The following SPATA21 variants were observed in gnomAD, a reference collection of about 807,000 sequenced individuals.
SPATA21 encodes the protein spermatogenesis-associated protein 21.
In SPATA21, 47 loss-of-function variants were observed where a neutral mutation model predicts 54.8. That is an observed-to-expected ratio of 0.86 (90% confidence interval 0.68 to 1.09). The LOEUF (loss-of-function observed/expected upper bound fraction) is 1.09. Among genes scored for constraint, SPATA21 ranks in the 50% least tolerant of loss-of-function variants. The pLI is 0.00. For missense variants in SPATA21, 599 were observed against 596.4 expected, an observed-to-expected ratio of 1.00 and a Z score of -0.05; for synonymous variants, 245 against 235.3, an observed-to-expected ratio of 1.04 and a Z score of -0.38.
Position 16,421,383 on chromosome 1 carries a change from C to T in SPATA21, c.144+126G>A. 1 of 935,778 alleles carries T rather than the reference C, an allele frequency of 1.1e-6. No individual in the cohort carries two copies. The highest frequency in any genetic ancestry group is 1.6e-6 in the Non-Finnish European group (1 of 623,154). 58.0% of individuals were successfully genotyped at this position (935,778 alleles called of 1,614,324 possible). ...CACTTTAACACACAGCCACACACACCTTCCTTGGTTTGACTCCAAATAGGG... is the reference window on the plus strand; with the variant it reads ...CACTTTAACACACAGCCACACACACTTTCCTTGGTTTGACTCCAAATAGGG... On this transcript the variant is annotated intron_variant, in intron 5 of 12. Transcript: ENST00000335496. This position sits in a 1 kb window ranked among gnomAD's most constrained non-coding sequence, Gnocchi z 5.2.
At chr1:16,425,604 A>G in intron 3 of SPATA21, 3 of 1,550,074 alleles carry the variant, frequency 1.9e-6, no homozygotes, top group Non-Finnish European at 2.6e-6. Context: ...TCCTTTCCGG[A>G]GCCCAGCTGC....
intron 7 of SPATA21, among the ~76,000 whole-genome samples, chr1:16,407,210 A>G (rs1228863163): frequency 6.6e-6 from 1 of 152,200 alleles, no homozygotes; most frequent in Non-Finnish European, 1.5e-5. Flanking sequence ...TGTCGTGCGC[A>G]GGCACACCAC....
intron 7 of SPATA21, among the ~76,000 whole-genome samples, chr1:16,408,077 G>GT (rs756580725): frequency 2.0e-5 from 3 of 152,174 alleles, no homozygotes; most frequent in Non-Finnish European, 4.4e-5. Context: ...CTGGTAGAGG[G>GT]TTTTAATACT....
Position 16,409,594 on chromosome 1 carries a change from C to G in SPATA21, c.587+7G>C. 6.2e-7 allele frequency: 1 copy of G among 1,607,330 alleles called. No individual in the cohort carries two copies. Among genetic ancestry groups the G allele is most frequent in the Non-Finnish European group, 8.5e-7 (1 of 1,178,298 alleles). ...GGAGCGGGCGGGTGAGCAGCGGGGG[C>G]TCCTACCGCGCCTTGGCGTAGCTCA... On this transcript the variant is annotated splice_region_variant and intron_variant, in intron 6 of 12. Coordinates refer to ENST00000335496, the MANE Select transcript of SPATA21 (RefSeq NM_198546.1). The surrounding 1 kb of genome is among the most constrained non-coding windows in gnomAD (Gnocchi z 4.1).
intron 1 of SPATA21, among the ~76,000 whole-genome samples, chr1:16,435,409 C>T (rs1000573177): frequency 4.6e-5 from 7 of 151,866 alleles, no homozygotes; most frequent in Admixed American, 3.3e-4. Context: ...CTCCGTCTCC[C>T]GTGTCCATGC....
At chr1:16,410,834 C>T in intron 5 of SPATA21, 1 of 404,226 alleles carries the variant, frequency 2.5e-6, no homozygotes, top group Non-Finnish European at 5.0e-6. Context: ...GCGTGTTCCA[C>T]CGCGCCCGGC....
chr1:16,399,264 A>G, intron 12 of SPATA21, 80 bp downstream of exon 12: 1 of 1,436,318 alleles, frequency 7.0e-7, no homozygotes, highest in Non-Finnish European at 9.4e-7. Context: ...AGAAAGATGG[A>G]TTCCCAGGCA....
intron 5 of SPATA21, among the ~76,000 whole-genome samples, chr1:16,413,213 A>G (rs2085904350): frequency 6.6e-6 from 1 of 152,154 alleles, no homozygotes; most frequent in African/African-American, 2.4e-5. Flanking sequence ...GGCAACTACC[A>G]TTTCCACCTC....
chr1:16,414,015 G>GTT lies in SPATA21; in HGVS notation c.145-3974_145-3973dup, dbSNP rs34726819. Among the ~76,000 whole-genome samples the GTT allele has an allele frequency of 5.9e-5, 9 of 151,662 alleles. No homozygotes were observed. The South Asian group carries it at 6.3e-4, about 11-fold the overall frequency. On this transcript the variant is annotated intron_variant, in intron 5 of 12. Coordinates refer to ENST00000335496, the MANE Select transcript of SPATA21 (RefSeq NM_198546.1). ...TCCTTGTCAACACTTGTTATTTTCT[G>GTT]TTTTTTTTCTTGTTTATAGCAGTCG...
intron 5 of SPATA21, among the ~76,000 whole-genome samples, chr1:16,413,902 C>T (rs1178061679): frequency 6.6e-6 from 1 of 152,122 alleles, no homozygotes; most frequent in Non-Finnish European, 1.5e-5. Context: ...TGTGAGCCAC[C>T]ATGCCCAGCC....
intron 2 of SPATA21, 52 bp from the exon 3 acceptor site, chr1:16,431,474 G>T (rs1557675112): frequency 2.6e-6 from 4 of 1,526,332 alleles, no homozygotes; most frequent in Non-Finnish European, 3.6e-6. Context: ...CCTAACTGCT[G>T]CTTCAGGAGC....
intron 7 of SPATA21, among the ~76,000 whole-genome samples, chr1:16,406,627 A>T (rs1294859892): frequency 2.6e-5 from 4 of 152,210 alleles, no homozygotes; most frequent in Non-Finnish European, 2.9e-5. Flanking sequence ...CTGTAGTCCC[A>T]GCTACTCAGG....
downstream of SPATA21, chr1:16,395,785 C>T (rs1334750650): frequency 1.3e-5 from 2 of 155,408 alleles, no homozygotes; most frequent in African/African-American, 4.8e-5. Context: ...TTTTGGTGAG[C>T]TTAGCTTCTG....
chr1:16,419,726 G>C (rs2086115640), intron 5 of SPATA21, among the ~76,000 whole-genome samples: 1 of 152,146 alleles, frequency 6.6e-6, no homozygotes, highest in African/African-American at 2.4e-5. Context: ...GATCACCGGA[G>C]GTAAGGAGTT....
chr1:16,422,063 G>GCC (rs2086188568), intron 3 of SPATA21, 92 bp from the exon 4 acceptor site: 1 of 1,606,010 alleles, frequency 6.2e-7, no homozygotes, highest in East Asian at 2.2e-5. Flanking sequence ...CCTGTGGCCT[G>GCC]ATGTGTGGGA....
At chr1:16,418,900 C>G (rs1294461719) in intron 5 of SPATA21, among the ~76,000 whole-genome samples, 3 of 152,152 alleles carry the variant, frequency 2.0e-5, no homozygotes, top group African/African-American at 7.2e-5. Context: ...ATCTTATTCC[C>G]ATCCATTCAT....
intron 2 of SPATA21, among the ~76,000 whole-genome samples, chr1:16,432,248 A>G (rs1000338045): frequency 6.0e-5 from 9 of 150,118 alleles, no homozygotes; most frequent in African/African-American, 9.8e-5. Context: ...CAGCCTCCCT[A>G]CTAGCTGGGA....
intron 5 of SPATA21, among the ~76,000 whole-genome samples, chr1:16,415,122 A>T (rs1036792249): frequency 6.6e-6 from 1 of 152,044 alleles, no homozygotes; most frequent in African/African-American, 2.4e-5. Context: ...GGATCGCTTG[A>T]GCTCAGGAGT....
At chr1:16,424,239 G>C (rs1438693238) in intron 3 of SPATA21, among the ~76,000 whole-genome samples, 1 of 1,264 alleles carries the variant, frequency 7.9e-4, no homozygotes, top group Non-Finnish European at 1.5e-3. Context: ...CATGAACCTG[G>C]GAGGCAGAGC....
Sources: allele counts gnomAD v4.1 joint callset (sites outside exome capture counted in the v4.1 genomes callset), GRCh38; gene constraint gnomAD v4.1.1; non-coding constraint Gnocchi (gnomAD v3.1); transcripts MANE v1.5; gene names NCBI Gene and HGNC (gene_info 2026-07-23, HGNC 2026-07-21).